Variants in CHD5 observed in about 807,000 individuals in gnomAD.
CHD5 encodes the protein ATP-dependent chromatin remodeler CHD5.
A neutral mutation model predicts 230.3 loss-of-function variants in CHD5; 69 were observed. The observed-to-expected ratio is 0.30, with a 90% confidence interval of 0.25 to 0.37. The LOEUF (loss-of-function observed/expected upper bound fraction) is 0.37. Ranked by LOEUF, CHD5 falls within the 10% of genes least tolerant of loss-of-function variation. The pLI is 1.00. For missense variants in CHD5, 1,827 were observed against 2,622.8 expected (o/e 0.70, Z 6.63); for synonymous variants, 1,064 against 1,065.9 (o/e 1.00, Z 0.03).
chr1:6,120,854 G>A (rs1430936099), intron 33 of CHD5, among the ~76,000 whole-genome samples: 1 of 152,014 alleles, frequency 6.6e-6, no homozygotes, highest in African/African-American at 2.4e-5. Flanking sequence ...AGTGATCCGA[G>A]ATGGTACCAC....
intron 2 of CHD5, among the ~76,000 whole-genome samples, chr1:6,164,685 C>T (rs964721184): frequency 3.3e-5 from 5 of 152,170 alleles, no homozygotes; most frequent in Non-Finnish European, 5.9e-5. Context: ...AAGGGGCACC[C>T]GGCAGCTGGG....
rs1468150340 is a variant in CHD5 at position 6,155,921 on chromosome 1, T to A, written c.388-204A>T. On this transcript the variant is annotated intron_variant, in intron 3 of 41. Transcript: ENST00000262450. The surrounding 1 kb of genome is among the most constrained non-coding windows in gnomAD (Gnocchi z 4.0). The stretch of plus-strand genomic sequence containing the variant: ...CCCGCAGCCCCCAATCTGTGCCACG[T>A]CTCAGATGCCAGCCCACGAAGTGCA... Among the ~76,000 whole-genome samples, 1 of 152,290 alleles carries A rather than the reference T, an allele frequency of 6.6e-6. No individual in the cohort carries two copies. The highest frequency in any genetic ancestry group is 2.4e-5 in the African/African-American group (1 of 41,572).
chr1:6,134,089 G>T lies in CHD5; in HGVS notation c.3144+39C>A. 1.3e-6 allele frequency: 2 copies of T among 1,598,650 alleles called. No homozygotes were observed. Among genetic ancestry groups the T allele is most frequent in the Non-Finnish European group, 1.7e-6 (2 of 1,174,512 alleles). On this transcript the variant is annotated intron_variant, in intron 20 of 41. Coordinates refer to ENST00000262450, the MANE Select transcript of CHD5 (RefSeq NM_015557.3). The surrounding 1 kb of genome is among the most constrained non-coding windows in gnomAD (Gnocchi z 6.3). Reference sequence around the variant, plus strand: ...CATCAGGGCAGGATGCTCTCTGTGGGGTGTGGAGCCGGGGCGGGGGTGGGC... The same window carrying T: ...CATCAGGGCAGGATGCTCTCTGTGGTGTGTGGAGCCGGGGCGGGGGTGGGC...
In CHD5 at chr1:6,128,208, CTTG is replaced by C. The variant is rs768597006; in HGVS notation, c.3738_3740del (p.Asn1246del). 9.3e-6 allele frequency: 15 copies of C among 1,613,994 alleles called. No homozygotes were observed. Among genetic ancestry groups the C allele is most frequent in the Non-Finnish European group, 1.3e-5 (15 of 1,179,956 alleles). Reference sequence around the variant, plus strand: ...GGATCACACTGCTGTCCTCCACGTCCTTGTTGTCACCTGGGGAGCAGGCAAATG... The same window carrying C: ...GGATCACACTGCTGTCCTCCACGTCCTTGTCACCTGGGGAGCAGGCAAATG... On this transcript the variant is annotated inframe_deletion, in exon 25 of 42. Transcript: ENST00000262450. The surrounding 1 kb of genome is among the most constrained non-coding windows in gnomAD (Gnocchi z 7.8).
chr1:6,124,267 C>A (rs1282351193), intron 30 of CHD5, among the ~76,000 whole-genome samples, 160 bp from the exon 31 acceptor site: 1 of 151,922 alleles, frequency 6.6e-6, no homozygotes, highest in Non-Finnish European at 1.5e-5. Flanking sequence ...CTCCTGACCA[C>A]AAGCTCCCCT....
chr1:6,106,112 G>A lies in CHD5; in HGVS notation c.*46+122C>T. The A allele has an allele frequency of 3.3e-6, 3 of 915,130 alleles. No homozygotes were observed. In the South Asian group the frequency reaches 4.8e-5, roughly 15 times the overall value. The allele number at this position is 915,130 out of a possible 1,614,324, so 56.7% of individuals were successfully genotyped here. A position where few individuals can be genotyped will look rare whatever the true frequency, so the allele number is the denominator to read the frequency against. ...GTGGGTGGCTCTCAAAGCCGCCGGA[G>A]GCAGTAAAAGCTCCAGGACTTAGGG... On this transcript the variant is annotated intron_variant, in intron 41 of 41. Transcript: ENST00000262450.
Position 6,125,651 on chromosome 1 carries a change from C to T in CHD5, c.4172-39G>A, listed in dbSNP as rs907089802. ...CGCCACAGTTCCTCAGGTGGGAGCCCAGAGATTCCTGATCCCCAAGGACAG... is the reference window on the plus strand; with the variant it reads ...CGCCACAGTTCCTCAGGTGGGAGCCTAGAGATTCCTGATCCCCAAGGACAG... On this transcript the variant is annotated intron_variant, in intron 27 of 41. Transcript: ENST00000262450. This position sits in a 1 kb window ranked among gnomAD's most constrained non-coding sequence, Gnocchi z 6.7. 2.7e-5 allele frequency: 44 copies of T among 1,611,556 alleles called. No individual in the cohort carries two copies. Among genetic ancestry groups the T allele is most frequent in the Non-Finnish European group, 3.7e-5 (44 of 1,177,812 alleles).
chr1:6,111,458 CG>C (rs1179645416), intron 36 of CHD5, among the ~76,000 whole-genome samples: 1 of 150,998 alleles, frequency 6.6e-6, no homozygotes, highest in Non-Finnish European at 1.5e-5. Flanking sequence ...CGCTTGAACC[CG>C]GGAGGCAGCA....
intron 15 of CHD5, among the ~76,000 whole-genome samples, chr1:6,138,898 T>C (rs553031693): frequency 9.2e-5 from 14 of 152,246 alleles, no homozygotes; most frequent in African/African-American, 3.4e-4. Flanking sequence ...ATAAACAAAA[T>C]GTGGTCTATC....
chr1:6,157,780 G>A (rs1368619303), intron 3 of CHD5, among the ~76,000 whole-genome samples: 4 of 152,216 alleles, frequency 2.6e-5, no homozygotes, highest in Admixed American at 6.5e-5. Context: ...GCAGGTGAGC[G>A]AGGGGATGAT....
Position 6,130,112 on chromosome 1 carries a change from G to A in CHD5, c.3387+92C>T. On this transcript the variant is annotated intron_variant, in intron 22 of 41. Coordinates refer to ENST00000262450, the MANE Select transcript of CHD5 (RefSeq NM_015557.3). This position sits in a 1 kb window ranked among gnomAD's most constrained non-coding sequence, Gnocchi z 4.9. Reference sequence around the variant, plus strand: ...CCCACAGCACCAGGATAGGTGAGGGGGTGATGGCAAGAAGGGCATGAAGGA... The same window carrying A: ...CCCACAGCACCAGGATAGGTGAGGGAGTGATGGCAAGAAGGGCATGAAGGA... 1 of 1,445,390 alleles carries A rather than the reference G, an allele frequency of 6.9e-7. No individual in the cohort carries two copies. The highest frequency in any genetic ancestry group is 9.6e-7 in the Non-Finnish European group (1 of 1,042,704). The allele number at this position is 1,445,390 out of a possible 1,614,324, so 89.5% of individuals were successfully genotyped here.
intron 1 of CHD5, among the ~76,000 whole-genome samples, chr1:6,179,677 T>TCTGGCCCGC (rs1281182776): frequency 6.7e-6 from 1 of 148,680 alleles, no homozygotes; most frequent in African/African-American, 2.4e-5. Flanking sequence ...CCCGCGGTCC[T>TCTGGCCCGC]CTGGCCCGCC....
At position 6,134,496 on chromosome 1, in the gene CHD5, C is replaced by T. The variant is rs1666708492; in HGVS notation, c.3012+222G>A. Among the ~76,000 whole-genome samples, 1 of 152,212 alleles carries T rather than the reference C, an allele frequency of 6.6e-6. No individual in the cohort carries two copies. On this transcript the variant is annotated intron_variant, in intron 19 of 41. Transcript: ENST00000262450. This position sits in a 1 kb window ranked among gnomAD's most constrained non-coding sequence, Gnocchi z 6.3. Reference sequence around the variant, plus strand: ...CAGGCAGGGCTCACAGCCGCACCAGCCCTACCACAGCAGCGGGTTCCACGG... The same window carrying T: ...CAGGCAGGGCTCACAGCCGCACCAGTCCTACCACAGCAGCGGGTTCCACGG...
intron 25 of CHD5, among the ~76,000 whole-genome samples, chr1:6,127,347 C>T (rs1057372368): frequency 2.6e-5 from 4 of 152,096 alleles, no homozygotes; most frequent in African/African-American, 7.2e-5. Flanking sequence ...ATTAGACAGG[C>T]GTGGTGGTGC....
At chr1:6,148,360 G>A (rs1367459495) in intron 9 of CHD5, among the ~76,000 whole-genome samples, 2 of 152,198 alleles carry the variant, frequency 1.3e-5, no homozygotes, top group South Asian at 2.1e-4. Flanking sequence ...CCTATCCCCA[G>A]CCTTGGAACA....
chr1:6,128,295 A>T lies in CHD5; in HGVS notation c.3731-77T>A. 1.4e-6 allele frequency: 2 copies of T among 1,443,190 alleles called. No homozygotes were observed. The highest frequency in any genetic ancestry group is 1.9e-6 in the Non-Finnish European group (2 of 1,045,014). 89.4% of individuals were successfully genotyped at this position (1,443,190 alleles called of 1,614,324 possible). A position where few individuals can be genotyped will look rare whatever the true frequency, so the allele number is the denominator to read the frequency against. On this transcript the variant is annotated intron_variant, in intron 24 of 41. Coordinates refer to ENST00000262450, the MANE Select transcript of CHD5 (RefSeq NM_015557.3). This position sits in a 1 kb window ranked among gnomAD's most constrained non-coding sequence, Gnocchi z 7.8. ...CCGGGGTCCCAGGAACAGACTCCCA[A>T]CAATGGCCCTTCCCATCCCCAGCAG...
intron 33 of CHD5, among the ~76,000 whole-genome samples, chr1:6,116,183 G>C (rs1666375711): frequency 6.6e-6 from 1 of 152,074 alleles, no homozygotes; most frequent in Admixed American, 6.6e-5. Flanking sequence ...CAGCTGTTTT[G>C]GTTCATTGCT....
Position 6,155,820 on chromosome 1 carries a change from G to T in CHD5, c.388-103C>A. ...GGAGGCTTTGGCACAGGGGAAAGAG[G>T]AGGGGTTGTGTCTGCAATGTAACCA... On this transcript the variant is annotated intron_variant, in intron 3 of 41. Coordinates refer to ENST00000262450, the MANE Select transcript of CHD5 (RefSeq NM_015557.3). This position sits in a 1 kb window ranked among gnomAD's most constrained non-coding sequence, Gnocchi z 4.0. 1 of 831,392 alleles carries T rather than the reference G, an allele frequency of 1.2e-6. No homozygotes were observed. Among genetic ancestry groups the T allele is most frequent in the Non-Finnish European group, 2.0e-6 (1 of 506,180 alleles). 51.5% of individuals were successfully genotyped at this position (831,392 alleles called of 1,614,324 possible). A position where few individuals can be genotyped will look rare whatever the true frequency, so the allele number is the denominator to read the frequency against.
intron 15 of CHD5, among the ~76,000 whole-genome samples, chr1:6,140,129 G>A (rs568216022): frequency 6.6e-6 from 1 of 152,122 alleles, no homozygotes; most frequent in African/African-American, 2.4e-5. Flanking sequence ...CAGGCCAGGT[G>A]CGGTGGCTCA....
Sources: allele counts gnomAD v4.1 joint callset (sites outside exome capture counted in the v4.1 genomes callset), GRCh38; gene constraint gnomAD v4.1.1; non-coding constraint Gnocchi (gnomAD v3.1); transcripts MANE v1.5; gene names NCBI Gene and HGNC (gene_info 2026-07-23, HGNC 2026-07-21).